SYNM: variants seen among roughly 807,000 people sequenced by gnomAD.
SYNM encodes synemin, also known as desmuslin.
In SYNM, 95 loss-of-function variants were observed where a neutral mutation model predicts 104.0. That is an observed-to-expected ratio of 0.91 (90% confidence interval 0.77 to 1.08). The LOEUF (loss-of-function observed/expected upper bound fraction) is 1.08. SYNM is among the 50% of genes least tolerant of loss of function. The pLI is 0.00. For missense variants in SYNM, 2,150 were observed against 2,052.2 expected (o/e 1.05, Z -0.92); for synonymous variants, 918 against 869.0 (o/e 1.06, Z -0.99).
chr15:99,130,557 G>A lies in SYNM; in HGVS notation c.2197G>A (p.Gly733Ser), dbSNP rs557354487. ...EQMIGDIINL[G>S]LKGREGRAKV... ...GATGATAGGAGACATCATCAACCTC[G>A]GCCTGAAAGGGAGGGAGGGGAGAGC... The change falls in exon 4 of 4, where the codon GGC (glycine) becomes AGC (serine). Residue 733 changes from glycine (G) to serine (S), a missense_variant. Transcript: ENST00000336292. 25 of 1,613,746 alleles carry A rather than the reference G, an allele frequency of 1.5e-5. 1 individual carries two copies. Among genetic ancestry groups the A allele is most frequent in the South Asian group, 1.1e-4 (10 of 91,030 alleles).
At chr15:99,124,961 G>C (rs1250480593) in intron 2 of SYNM, among the ~76,000 whole-genome samples, 1 of 152,250 alleles carries the variant, frequency 6.6e-6, no homozygotes, top group South Asian at 2.1e-4. Context: ...CGCAGGGCTG[G>C]TGCCTGTTTC....
chr15:99,121,888 A>G (rs1468015424), intron 2 of SYNM, among the ~76,000 whole-genome samples: 2 of 152,266 alleles, frequency 1.3e-5, no homozygotes, highest in Admixed American at 6.5e-5. Context: ...GGTCTGGAAG[A>G]CAGACAACGC....
Position 99,132,303 on chromosome 15 carries a change from C to T in SYNM, c.3943C>T (p.Pro1315Ser). Residue 1315 changes from proline (P) to serine (S), a missense_variant, in exon 4 of 4, where the codon CCT becomes TCT. Physicochemically the swap from Pro to Ser is moderately conservative, Grantham distance 74 (BLOSUM62 -1). Coordinates refer to ENST00000336292, the MANE Select transcript of SYNM (RefSeq NM_145728.3). ...ATCCATCAGGCACATCAGCATTGGG[C>T]CTCAGAGGCATCAGACCACCCAGCA... Reference protein sequence around the residue: ...STSIRHISIGPQRHQTTQQIV... With the variant: ...STSIRHISIGSQRHQTTQQIV... 1 of 1,611,220 alleles carries T rather than the reference C, an allele frequency of 6.2e-7. No individual in the cohort carries two copies. The highest frequency in any genetic ancestry group is 8.5e-7 in the Non-Finnish European group (1 of 1,177,818).
At chr15:99,113,770 C>T in intron 2 of SYNM, 55 bp downstream of exon 2, 1 of 1,601,056 alleles carries the variant, frequency 6.2e-7, no homozygotes, top group Non-Finnish European at 8.5e-7. Flanking sequence ...GTAACTTGCA[C>T]ATGAAGGAAA....
intron 2 of SYNM, among the ~76,000 whole-genome samples, chr15:99,125,613 C>T (rs1431523224): frequency 6.6e-6 from 1 of 152,226 alleles, no homozygotes; most frequent in African/African-American, 2.4e-5. Flanking sequence ...GATGGAAATA[C>T]AACTCAGTGC....
In SYNM at chr15:99,131,653, C is replaced by T; in HGVS notation, c.3293C>T (p.Pro1098Leu). Residue 1098 changes from proline to leucine, a missense_variant, in exon 4 of 4, where the codon CCA (proline) becomes CTA (leucine). By Grantham distance (98) the Pro-to-Leu change is moderately conservative. Transcript: ENST00000336292. This position sits in a 1 kb window ranked among gnomAD's most constrained non-coding sequence, Gnocchi z 4.3. Reference protein sequence around the residue: ...HSSGQRTPQGPVSATVEVSSP... With the variant: ...HSSGQRTPQGLVSATVEVSSP... ...TCGGGACAGCGCACTCCCCAGGGCC[C>T]AGTGTCGGCCACTGTGGAGGTCAGC... is the stretch of plus-strand genomic sequence containing the variant. 1 of 1,611,782 alleles carries T rather than the reference C, an allele frequency of 6.2e-7. No individual in the cohort carries two copies.
chr15:99,136,126 A>G (rs574273502), downstream of SYNM, among the ~76,000 whole-genome samples: 35 of 152,348 alleles, frequency 2.3e-4, no homozygotes, highest in African/African-American at 7.9e-4. Flanking sequence ...GCCCTTTACC[A>G]AAAATAGAAA....
chr15:99,112,587 A>G (rs975985868), intron 1 of SYNM, among the ~76,000 whole-genome samples: 1 of 152,252 alleles, frequency 6.6e-6, no homozygotes, highest in South Asian at 2.1e-4. Context: ...AGGCCGCAGT[A>G]TCTCCCTGCC....
At position 99,105,983 on chromosome 15, in the gene SYNM, T is replaced by TA. The variant is rs781856372; in HGVS notation, c.785dup (p.Tyr262Ter). Reference sequence around the variant, plus strand: ...CGCGCTGCTGCGGATGCGCGAGGAGTACGGGATACAGGCCGAGGAGCGGCA... The same window carrying TA: ...CGCGCTGCTGCGGATGCGCGAGGAGTAACGGGATACAGGCCGAGGAGCGGCA... ...EDALLRMREE[Y>*]GIQAEERQRV... Residue 262 changes from tyrosine (Y) to a stop codon, truncating the protein, a stop_gained and frameshift_variant, in exon 1 of 4, where the codon TAC (tyrosine) becomes TAAC (stop). Coordinates refer to ENST00000336292, the MANE Select transcript of SYNM (RefSeq NM_145728.3). LOFTEE classifies it high-confidence loss of function. 8 of 1,504,620 alleles carry TA rather than the reference T, an allele frequency of 5.3e-6. 1 individual carries two copies. The South Asian group carries it at 8.9e-5, about 17-fold the overall frequency. 93.2% of individuals were successfully genotyped at this position (1,504,620 alleles called of 1,614,324 possible). A position where few individuals can be genotyped will look rare whatever the true frequency, so the allele number is the denominator to read the frequency against.
rs1555486017 is a variant in SYNM, at chr15:99,131,981, A to G, written c.3621A>G (p.Pro1207=). Residue 1207 remains proline, a synonymous_variant, in exon 4 of 4, where the codon CCA becomes CCG. Transcript: ENST00000336292. The surrounding 1 kb of genome is among the most constrained non-coding windows in gnomAD (Gnocchi z 4.3). ...PEAWGSPEPG[P]AESSADMDGS... Reference sequence around the variant, plus strand: ...CATGGGGCTCGCCAGAACCTGGCCCAGCAGAGTCTTCTGCAGATATGGACG... The same window carrying G: ...CATGGGGCTCGCCAGAACCTGGCCCGGCAGAGTCTTCTGCAGATATGGACG... The G allele has an allele frequency of 6.2e-7, 1 of 1,613,970 alleles. No individual in the cohort carries two copies.
intron 2 of SYNM, among the ~76,000 whole-genome samples, chr15:99,125,196 C>A (rs1365085569): frequency 1.3e-5 from 2 of 152,236 alleles, no homozygotes; most frequent in African/African-American, 2.4e-5. Context: ...CTCCCCACGC[C>A]CTGCCCTGGC....
chr15:99,126,919 T>C, intron 3 of SYNM, 127 bp downstream of exon 3: 3 of 765,780 alleles, frequency 3.9e-6, no homozygotes, highest in South Asian at 2.3e-5. Context: ...GGAGTTCATC[T>C]CTCATTTAAG....
At position 99,113,624 on chromosome 15, in the gene SYNM, A is replaced by G; in HGVS notation, c.844A>G (p.Thr282Ala). 2 of 1,613,550 alleles carry G rather than the reference A, an allele frequency of 1.2e-6. No homozygotes were observed. The highest frequency in any genetic ancestry group is 1.7e-6 in the Non-Finnish European group (2 of 1,179,704). The change falls in exon 2 of 4, where the codon ACC (threonine) becomes GCC (alanine). Residue 282 changes from threonine (T) to alanine (A), a missense_variant. Transcript: ENST00000336292. Reference protein sequence around the residue: ...VIDCLEDEKATLTLAMADWLR... With the variant: ...VIDCLEDEKAALTLAMADWLR... The stretch of plus-strand genomic sequence containing the variant: ...TGACTGCCTGGAGGATGAGAAGGCA[A>G]CCCTCACCTTGGCCATGGCTGACTG...
chr15:99,131,668 T>C lies in SYNM; in HGVS notation c.3308T>C (p.Val1103Ala). Residue 1103 changes from valine (V) to alanine (A), a missense_variant, in exon 4 of 4, where the codon GTG becomes GCG. Physicochemically the swap from Val to Ala is moderately conservative, Grantham distance 64. Coordinates refer to ENST00000336292, the MANE Select transcript of SYNM (RefSeq NM_145728.3). This position sits in a 1 kb window ranked among gnomAD's most constrained non-coding sequence, Gnocchi z 4.3. ...CCCCAGGGCCCAGTGTCGGCCACTGTGGAGGTCAGCAGCCCCACAGGCTTT... is the reference window on the plus strand; with the variant it reads ...CCCCAGGGCCCAGTGTCGGCCACTGCGGAGGTCAGCAGCCCCACAGGCTTT... ...RTPQGPVSAT[V>A]EVSSPTGFAQ... 3.1e-6 allele frequency: 5 copies of C among 1,612,452 alleles called. No homozygotes were observed. The highest frequency in any genetic ancestry group is 4.2e-6 in the Non-Finnish European group (5 of 1,179,646).
Position 99,131,278 on chromosome 15 carries a change from G to A in SYNM, c.2918G>A (p.Arg973Lys), listed in dbSNP as rs782794052. 3.7e-6 allele frequency: 6 copies of A among 1,612,246 alleles called. No homozygotes were observed. In the Middle Eastern group the frequency reaches 5.0e-4, roughly 133 times the overall value. ...AGGGAGGAGCTGTCCGCCCTCACCA[G>A]AGAGGGGCAGGGTGGGCCGGGGAGC... ...RMREELSALT[R>K]EGQGGPGSVS... The change falls in exon 4 of 4, where the codon AGA becomes AAA. Residue 973 changes from arginine to lysine, a missense_variant. Arg to Lys is a conservative substitution (Grantham distance 26, BLOSUM62 2). Coordinates refer to ENST00000336292, the MANE Select transcript of SYNM (RefSeq NM_145728.3). This position sits in a 1 kb window ranked among gnomAD's most constrained non-coding sequence, Gnocchi z 4.3.
Position 99,130,846 on chromosome 15 carries a change from G to A in SYNM, c.2486G>A (p.Ser829Asn), listed in dbSNP as rs1567283833. Residue 829 changes from serine to asparagine, a missense_variant, in exon 4 of 4, where the codon AGT becomes AAT. Physicochemically the swap from Ser to Asn is conservative, Grantham distance 46. Transcript: ENST00000336292. ...TEAGDSEGEQ[S>N]YFVSTPDEHP... The stretch of plus-strand genomic sequence containing the variant: ...GCAGGTGATTCAGAGGGCGAGCAGA[G>A]TTATTTTGTGTCCACTCCAGATGAA... 1.2e-6 allele frequency: 2 copies of A among 1,614,036 alleles called. No individual in the cohort carries two copies. The highest frequency in any genetic ancestry group is 1.7e-6 in the Non-Finnish European group (2 of 1,179,904).
intron 2 of SYNM, among the ~76,000 whole-genome samples, chr15:99,114,927 A>G (rs1299827101): frequency 6.6e-6 from 1 of 152,210 alleles, no homozygotes; most frequent in Non-Finnish European, 1.5e-5. Flanking sequence ...GCCCAACTTC[A>G]GGAACACTAA....
downstream of SYNM, chr15:99,138,105 G>A: frequency 6.2e-7 from 1 of 1,613,032 alleles, no homozygotes; most frequent in Non-Finnish European, 8.5e-7. Flanking sequence ...GCCTGCCTTG[G>A]CTTCGAAGCA....
chr15:99,139,745 C>T (rs1414161594), downstream of SYNM: 7 of 1,328,486 alleles, frequency 5.3e-6, no homozygotes, highest in Admixed American at 2.3e-5. Flanking sequence ...TTGTTATAGC[C>T]TGGAAAAGAT....
Sources: gnomAD v4.1 joint callset for allele counts (sites outside exome capture counted in the v4.1 genomes callset) on GRCh38, gnomAD v4.1.1 for gene constraint, Gnocchi (gnomAD v3.1) non-coding constraint, MANE v1.5 for transcripts, NCBI Gene and HGNC (gene_info 2026-07-23, HGNC 2026-07-21) for gene names.